Variants in CTSE observed in about 807,000 individuals in gnomAD.
CTSE encodes cathepsin E, also known as erythrocyte membrane aspartic proteinase.
Under a neutral mutation model 42.8 loss-of-function variants are expected in CTSE, and 43 were observed. The observed-to-expected ratio is 1.01, with a 90% confidence interval of 0.79 to 1.30. CTSE has a LOEUF of 1.30. CTSE is among the 50% of genes most tolerant of loss of function. The pLI is 0.00. For missense variants in CTSE, 532 were observed against 493.5 expected (o/e 1.08, Z -0.74); for synonymous variants, 205 against 191.5 (o/e 1.07, Z -0.58).
At chr1:206,015,428 T>C (rs1661234637) in intron 5 of CTSE, among the ~76,000 whole-genome samples, 1 of 152,150 alleles carries the variant, frequency 6.6e-6, no homozygotes, top group Non-Finnish European at 1.5e-5. Context: ...TAGCATTATG[T>C]CCTCAAGTTT....
At chr1:206,014,087 A>G in intron 5 of CTSE, 193 bp from the exon 6 acceptor site, 1 of 622,826 alleles carries the variant, frequency 1.6e-6, no homozygotes, top group South Asian at 1.9e-5. Context: ...ACAAGGTTAG[A>G]AACAACTCCC....
chr1:206,010,754 T>A (rs1368034931), intron 8 of CTSE, among the ~76,000 whole-genome samples: 1 of 152,142 alleles, frequency 6.6e-6, no homozygotes, highest in Non-Finnish European at 1.5e-5. Flanking sequence ...TTAGTTTTTG[T>A]TAAGGGAGAG....
rs138840915 is a variant in CTSE, at chr1:206,010,846, G to T, written c.1027-499C>A. Among the ~76,000 whole-genome samples the T allele has an allele frequency of 4.5e-3, 686 of 152,202 alleles. 7 individuals carry two copies. The highest frequency in any genetic ancestry group is 0.012 in the African/African-American group (519 of 41,546). On this transcript the variant is annotated intron_variant, in intron 8 of 8. Coordinates refer to ENST00000358184, the MANE Select transcript of CTSE (RefSeq NM_001910.4). The stretch of plus-strand genomic sequence containing the variant: ...AACATTTGAGTGACCCCCTTTAGAT[G>T]AGGCAAGTAGGCATTCCTTGTTCAA...
chr1:206,020,492 C>T (rs1216769444), intron 4 of CTSE, among the ~76,000 whole-genome samples: 2 of 152,040 alleles, frequency 1.3e-5, no homozygotes, highest in African/African-American at 4.8e-5. Flanking sequence ...TCTGTCCCCA[C>T]ATTTGTCTGA....
chr1:206,011,099 G>A (rs1348121473), intron 8 of CTSE, among the ~76,000 whole-genome samples: 2 of 151,940 alleles, frequency 1.3e-5, no homozygotes, highest in Admixed American at 6.6e-5. Flanking sequence ...TCTGCTGGTG[G>A]GAAAGAACCA....
rs192759412 is a variant in CTSE, at chr1:206,022,455, A to G, written c.226-188T>C. 5.1e-4 allele frequency among the ~76,000 whole-genome samples: 78 copies of G among 152,210 alleles called. No homozygotes were observed. The Middle Eastern group carries it at 0.01, about 20-fold the overall frequency. On this transcript the variant is annotated intron_variant, in intron 2 of 8. Transcript: ENST00000358184. ...AGGAGCAGAGAAATGGCCATGAAGG[A>G]GGAAATCAAACCAAGCCTCTGGCTA...
chr1:206,014,000 G>A (rs1661195410), intron 5 of CTSE, 106 bp from the exon 6 acceptor site: 2 of 1,249,938 alleles, frequency 1.6e-6, no homozygotes, highest in Non-Finnish European at 2.3e-6. Flanking sequence ...AAGCACACAG[G>A]TAGGCAGAAA....
At chr1:206,011,369 C>T (rs1436598505) in intron 8 of CTSE, among the ~76,000 whole-genome samples, 5 of 151,988 alleles carry the variant, frequency 3.3e-5, no homozygotes, top group African/African-American at 1.2e-4. Context: ...AGGGACTCAA[C>T]TCACGTGGGG....
At chr1:206,022,825 G>A in intron 2 of CTSE, 76 bp downstream of exon 2, 1 of 1,331,190 alleles carries the variant, frequency 7.5e-7, no homozygotes, top group Non-Finnish European at 1.0e-6. Flanking sequence ...CTACTGATGT[G>A]GCACTGGCCA....
At position 206,010,261 on chromosome 1, in the gene CTSE, C is replaced by A; in HGVS notation, c.1113G>T (p.Gly371=). 6.2e-7 allele frequency: 1 copy of A among 1,613,716 alleles called. No individual in the cohort carries two copies. The highest frequency in any genetic ancestry group is 1.7e-5 in the Admixed American group (1 of 59,990). ...HPPAGPLWIL[G]DVFIRQFYSV... Reference sequence around the variant, plus strand: ...AGTAAAACTGTCGAATGAAGACATCCCCCAGGATCCAGAGGGGCCCAGCTG... The same window carrying A: ...AGTAAAACTGTCGAATGAAGACATCACCCAGGATCCAGAGGGGCCCAGCTG... The change falls in exon 9 of 9, where the codon GGG becomes GGT. Residue 371 remains glycine, a synonymous_variant. Coordinates refer to ENST00000358184, the MANE Select transcript of CTSE (RefSeq NM_001910.4).
chr1:206,016,929 C>T (rs1282218416), intron 4 of CTSE, among the ~76,000 whole-genome samples: 1 of 151,896 alleles, frequency 6.6e-6, no homozygotes, highest in Non-Finnish European at 1.5e-5. Context: ...TTGCTAATGT[C>T]TAAGAAAAAA....
chr1:206,010,423 G>T, intron 8 of CTSE, 76 bp from the exon 9 acceptor site: 1 of 1,327,728 alleles, frequency 7.5e-7, no homozygotes, highest in South Asian at 1.2e-5. Context: ...CTGCCTGTGT[G>T]GTGGTGGTGG....
Position 206,015,975 on chromosome 1 carries a change from A to AG in CTSE, c.617dup (p.Gln207SerfsTer16). The AG allele has an allele frequency of 6.2e-7, 1 of 1,613,868 alleles. No homozygotes were observed. The highest frequency in any genetic ancestry group is 1.1e-5 in the South Asian group (1 of 91,074). On this transcript the variant is annotated frameshift_variant, in exon 5 of 9. Coordinates refer to ENST00000358184, the MANE Select transcript of CTSE (RefSeq NM_001910.4). LOFTEE classifies it high-confidence loss of function. ...ACATCGGCAAGTCCACCAGGTTCTG[A>AG]GCCATCATGTTGTCAAATACTGGAG...
chr1:206,015,898 T>C, intron 5 of CTSE, 33 bp downstream of exon 5: 3 of 1,601,292 alleles, frequency 1.9e-6, no homozygotes, highest in Non-Finnish European at 2.6e-6. Context: ...TAGTTATAAC[T>C]GACTTTAACC....
intron 8 of CTSE, among the ~76,000 whole-genome samples, chr1:206,011,093 C>A (rs1268506815): frequency 6.6e-6 from 1 of 151,964 alleles, no homozygotes; most frequent in African/African-American, 2.4e-5. Context: ...TTGAAATCTG[C>A]TGGTGGGAAA....
intron 1 of CTSE, 86 bp from the exon 2 acceptor site, chr1:206,023,143 T>TTTC: frequency 1.4e-6 from 1 of 722,506 alleles, no homozygotes; most frequent in Non-Finnish European, 2.2e-6. Context: ...AGGGGCCAAC[T>TTTC]AGAGAAGATG....
Position 206,010,417 on chromosome 1 carries a change from CT to C in CTSE, c.1027-71del, listed in dbSNP as rs1661059756. On this transcript the variant is annotated intron_variant, in intron 8 of 8. Transcript: ENST00000358184. ...GGTAGTAGTACTGCCTGGAGGCTGC[CT>C]GTGTGGTGGTGGTGGCTGGCACTGG... 2.1e-6 allele frequency: 3 copies of C among 1,399,544 alleles called. No individual in the cohort carries two copies. The African/African-American group carries it at 4.2e-5, about 20-fold the overall frequency. 86.7% of individuals were successfully genotyped at this position (1,399,544 alleles called of 1,614,324 possible). A position where few individuals can be genotyped will look rare whatever the true frequency, so the allele number is the denominator to read the frequency against.
rs79302857 is a variant in CTSE, at chr1:206,012,254, G to C, written c.1026+54C>G. ...GTGCAGGCGATTGAAAAGGGGAAGT[G>C]GCAGGCATGTGGGGAGGGCCCTGTG... On this transcript the variant is annotated intron_variant, in intron 8 of 8. Transcript: ENST00000358184. 1,633 of 1,412,370 alleles carry C rather than the reference G, an allele frequency of 1.2e-3. 17 individuals carry two copies. The African/African-American group carries it at 0.021, about 18-fold the overall frequency. The allele number at this position is 1,412,370 out of a possible 1,614,324, so 87.5% of individuals were successfully genotyped here.
chr1:206,013,685 C>G (rs1661182303), intron 6 of CTSE, 87 bp downstream of exon 6: 2 of 1,502,044 alleles, frequency 1.3e-6, no homozygotes, highest in African/African-American at 1.4e-5. Flanking sequence ...CTGCTAGTGA[C>G]CAGTGGTTTT....
Sources: allele counts gnomAD v4.1 joint callset (sites outside exome capture counted in the v4.1 genomes callset), GRCh38; gene constraint gnomAD v4.1.1; transcripts MANE v1.5; gene names NCBI Gene and HGNC (gene_info 2026-07-23, HGNC 2026-07-21).